The following DDHD2 variants were observed in gnomAD, a reference collection of about 807,000 sequenced individuals.
The protein encoded by DDHD2 is DDHD domain containing 2.
DDHD2 carries 62 observed loss-of-function variants against 91.2 expected under a neutral mutation model. That is an observed-to-expected ratio of 0.68 (90% CI 0.55 to 0.84). DDHD2 has a LOEUF of 0.84. DDHD2 is among the 40% of genes least tolerant of loss of function. The pLI is 0.00. For missense variants in DDHD2, 740 were observed against 846.9 expected, an observed-to-expected ratio of 0.87 and a Z score of 1.57; for synonymous variants, 271 against 293.9, an observed-to-expected ratio of 0.92 and a Z score of 0.80.
chr8:38,267,483 G>C, downstream of DDHD2: 1 of 1,450,474 alleles, frequency 6.9e-7, no homozygotes, highest in Non-Finnish European at 9.4e-7. Context: ...GTTAACTATT[G>C]GTCAAATAGT....
downstream of DDHD2, chr8:38,266,906 C>T (rs1585809999): frequency 4.5e-6 from 2 of 444,348 alleles, no homozygotes; most frequent in East Asian, 6.8e-5. Context: ...CAATAGTCCC[C>T]ACCTCATTGG....
chr8:38,267,239 T>G, downstream of DDHD2: 1 of 1,613,896 alleles, frequency 6.2e-7, no homozygotes, highest in Non-Finnish European at 8.5e-7. Context: ...AAAACAAGCA[T>G]AGGGTAGAGT....
intron 1 of DDHD2, chr8:38,269,349 T>G: frequency 2.5e-6 from 2 of 809,562 alleles, no homozygotes; most frequent in Non-Finnish European, 3.5e-6. Context: ...GAGGGCATCG[T>G]CTGGCAAAGG....
At chr8:38,264,355 G>T (rs1415455865), downstream of DDHD2, 1 of 1,056,966 alleles carries the variant, frequency 9.5e-7, no homozygotes, top group East Asian at 2.9e-5. Context: ...TGGCCAGGCT[G>T]GTCCTGACCT....
downstream of DDHD2, chr8:38,267,189 C>T: frequency 6.2e-7 from 1 of 1,611,156 alleles, no homozygotes. Flanking sequence ...GTCAGATTTT[C>T]CCATCCCTAC....
intron 16 of DDHD2, among the ~76,000 whole-genome samples, chr8:38,259,222 T>C (rs1806773758): frequency 1.3e-5 from 2 of 151,586 alleles, no homozygotes; most frequent in South Asian, 4.2e-4. Context: ...TTACTGGCTT[T>C]TTTTTTTTTT....
downstream of DDHD2, chr8:38,264,218 G>A: frequency 1.1e-6 from 1 of 910,292 alleles, no homozygotes; most frequent in Non-Finnish European, 1.4e-6. Context: ...TGCGATCTCG[G>A]CTCACTGGAA....
At chr8:38,256,194 A>C (rs1331885542) in intron 16 of DDHD2, among the ~76,000 whole-genome samples, 1 of 151,970 alleles carries the variant, frequency 6.6e-6, no homozygotes, top group Admixed American at 6.6e-5. Flanking sequence ...CACTCCTCCT[A>C]ATTTCCAGGG....
chr8:38,236,489 G>A (rs887371835), intron 3 of DDHD2, among the ~76,000 whole-genome samples: 1 of 151,714 alleles, frequency 6.6e-6, no homozygotes, highest in Non-Finnish European at 1.5e-5. Flanking sequence ...TAAGTAGCTG[G>A]GATTACAAGC....
downstream of DDHD2, chr8:38,271,832 T>C (rs1563337408): frequency 6.6e-6 from 1 of 152,230 alleles, no homozygotes; most frequent in Admixed American, 6.5e-5. Flanking sequence ...TTTTCTTATC[T>C]TGTTAAGAGG....
downstream of DDHD2, among the ~76,000 whole-genome samples, chr8:38,265,264 C>CAA (rs1228103198): frequency 6.7e-3 from 472 of 70,704 alleles, 8 homozygotes; most frequent in Middle Eastern, 0.014. Flanking sequence ...GACTCTGTCT[C>CAA]AAAAAAAAAA....
chr8:38,268,432 C>T, intron 1 of DDHD2: 2 of 1,576,400 alleles, frequency 1.3e-6, no homozygotes, highest in Non-Finnish European at 1.7e-6. Context: ...CCAGGAAGAT[C>T]AGAGACAGTG....
At chr8:38,269,541 G>A (rs1315153327) in intron 1 of DDHD2, among the ~76,000 whole-genome samples, 2 of 152,216 alleles carry the variant, frequency 1.3e-5, no homozygotes, top group Non-Finnish European at 2.9e-5. Context: ...CAAACAGCCC[G>A]CTCTCAGATC....
intron 3 of DDHD2, among the ~76,000 whole-genome samples, chr8:38,235,157 T>C (rs1378674309): frequency 6.6e-6 from 1 of 152,188 alleles, no homozygotes; most frequent in Admixed American, 6.5e-5. Flanking sequence ...CAGAATTGTA[T>C]GTTGGGAGAT....
At chr8:38,268,647 C>T in intron 1 of DDHD2, 1 of 1,436,308 alleles carries the variant, frequency 7.0e-7, no homozygotes, top group Non-Finnish European at 9.1e-7. Flanking sequence ...GCCCCGGTAC[C>T]TCAGGCTGAG....
At chr8:38,268,251 A>T in intron 1 of DDHD2, 1 of 1,090,986 alleles carries the variant, frequency 9.2e-7, no homozygotes, top group South Asian at 1.5e-5. Context: ...CCGCGGGGAT[A>T]GAGTTCCTTT....
At chr8:38,247,583 T>A (rs1016637236) in intron 9 of DDHD2, 130 bp from the exon 10 acceptor site, 1 of 530,342 alleles carries the variant, frequency 1.9e-6, no homozygotes, top group African/African-American at 2.0e-5. Flanking sequence ...AATTTATATC[T>A]TGCATAAATG....
intron 1 of DDHD2, chr8:38,267,996 T>C: frequency 6.2e-7 from 1 of 1,613,918 alleles, no homozygotes; most frequent in Non-Finnish European, 8.5e-7. Flanking sequence ...AGGATCTGTC[T>C]AGGAGGAAAG....
chr8:38,236,024 G>A (rs980772918), intron 3 of DDHD2, among the ~76,000 whole-genome samples: 2 of 152,020 alleles, frequency 1.3e-5, no homozygotes, highest in Non-Finnish European at 2.9e-5. Context: ...ATTTTTTGTT[G>A]TTGTTGAAAC....
Sources: gnomAD v4.1 joint callset for allele counts (sites outside exome capture counted in the v4.1 genomes callset) on GRCh38, gnomAD v4.1.1 for gene constraint, MANE v1.5 for transcripts, NCBI Gene and HGNC (gene_info 2026-07-23, HGNC 2026-07-21) for gene names.